Variants in DNM1 observed in about 807,000 individuals in gnomAD.
DNM1 encodes the protein dynamin 1, also known as dynamin-1.
Under a neutral mutation model 104.6 loss-of-function variants are expected in DNM1, and 29 were observed. The observed-to-expected ratio is 0.28, with a 90% confidence interval of 0.21 to 0.38. DNM1 has a LOEUF of 0.38. Among genes scored for constraint, DNM1 ranks in the 10% least tolerant of loss-of-function variants. The probability of loss-of-function intolerance (pLI) is 1.00; values close to 1 mark genes in which losing one functional copy is unlikely to be tolerated. For synonymous variants in DNM1, 445 were observed against 475.8 expected (o/e 0.94, Z 0.84); for missense variants, 640 against 1,189.4 (o/e 0.54, Z 6.79).
rs1829644744 is a variant in DNM1 at position 128,253,297 on chromosome 9, G to A, written c.2535-1357G>A. ...TCCTCTTTCTGTCCTTGTGCCGCTGGCTCTCTCACCTCCCTTCCCTGCGAG... is the reference window on the plus strand; with the variant it reads ...TCCTCTTTCTGTCCTTGTGCCGCTGACTCTCTCACCTCCCTTCCCTGCGAG... On this transcript the variant is annotated intron_variant, in intron 21 of 21. Coordinates refer to ENST00000372923, the MANE Select transcript of DNM1 (RefSeq NM_004408.4). The surrounding 1 kb of genome is among the most constrained non-coding windows in gnomAD (Gnocchi z 5.9). 1 of 683,416 alleles carries A rather than the reference G, an allele frequency of 1.5e-6. No individual in the cohort carries two copies. The highest frequency in any genetic ancestry group is 2.5e-6 in the Non-Finnish European group (1 of 397,450). 42.3% of individuals were successfully genotyped at this position (683,416 alleles called of 1,614,324 possible).
At position 128,239,723 on chromosome 9, in the gene DNM1, A is replaced by G. The variant is rs1836247500; in HGVS notation, c.1494-5A>G. Reference sequence around the variant, plus strand: ...TTCTGAGACTCCTCCCCTCCCTCCCATTAGTGCTCAGCAGAGGAGCAACCA... The same window carrying G: ...TTCTGAGACTCCTCCCCTCCCTCCCGTTAGTGCTCAGCAGAGGAGCAACCA... On this transcript the variant is annotated splice_region_variant and splice_polypyrimidine_tract_variant and intron_variant, in intron 12 of 21. Transcript: ENST00000372923. The G allele has an allele frequency of 1.2e-6, 2 of 1,612,930 alleles. No individual in the cohort carries two copies. The highest frequency in any genetic ancestry group is 2.7e-5 in the African/African-American group (2 of 74,818).
chr9:128,212,941 G>A (rs1221328464), intron 1 of DNM1, among the ~76,000 whole-genome samples: 1 of 152,190 alleles, frequency 6.6e-6, no homozygotes, highest in African/African-American at 2.4e-5. Flanking sequence ...CCCTGGCAGA[G>A]TCCCTGGCTG....
At chr9:128,241,157 G>A (rs1307532595) in intron 14 of DNM1, 2 of 152,316 alleles carry the variant, frequency 1.3e-5, no homozygotes, top group African/African-American at 2.4e-5. Flanking sequence ...GAGGGCTCCA[G>A]AAGCAAGCCT....
At chr9:128,244,378 C>A (rs1233085433) in intron 15 of DNM1, among the ~76,000 whole-genome samples, 1 of 151,946 alleles carries the variant, frequency 6.6e-6, no homozygotes, top group Admixed American at 6.6e-5. Flanking sequence ...TGAGTGGATT[C>A]TTGCACTAGG....
chr9:128,232,224 G>A, intron 10 of DNM1: 1 of 367,492 alleles, frequency 2.7e-6, no homozygotes, highest in Non-Finnish European at 5.4e-6. Context: ...GAGCACTTGG[G>A]ACCACCTCAG....
chr9:128,254,761 G>GA lies in DNM1; in HGVS notation c.*48dup. ...AGACCTCCCTTTCCAAGCCTGCCTG[G>GA]ACGGCTGTTCTGTGACTTGACAGTG... On this transcript the variant is annotated 3_prime_UTR_variant, in exon 22 of 22. Coordinates refer to ENST00000372923, the MANE Select transcript of DNM1 (RefSeq NM_004408.4). The surrounding 1 kb of genome is among the most constrained non-coding windows in gnomAD (Gnocchi z 6.1). 2 of 1,558,168 alleles carry GA rather than the reference G, an allele frequency of 1.3e-6. No homozygotes were observed. Among genetic ancestry groups the GA allele is most frequent in the South Asian group, 1.1e-5 (1 of 90,162 alleles).
intron 4 of DNM1, among the ~76,000 whole-genome samples, chr9:128,219,716 A>T (rs1191036232): frequency 7.9e-5 from 12 of 152,232 alleles, no homozygotes. Flanking sequence ...TAATCCCAGC[A>T]CTTTGGGAGG....
rs1829645247 is a variant in DNM1, at chr9:128,253,300, C to T, written c.2535-1354C>T. ...TCTTTCTGTCCTTGTGCCGCTGGCTCTCTCACCTCCCTTCCCTGCGAGCCT... is the reference window on the plus strand; with the variant it reads ...TCTTTCTGTCCTTGTGCCGCTGGCTTTCTCACCTCCCTTCCCTGCGAGCCT... On this transcript the variant is annotated intron_variant, in intron 21 of 21. Coordinates refer to ENST00000372923, the MANE Select transcript of DNM1 (RefSeq NM_004408.4). This position sits in a 1 kb window ranked among gnomAD's most constrained non-coding sequence, Gnocchi z 5.9. 1.8e-5 allele frequency: 12 copies of T among 667,962 alleles called. No individual in the cohort carries two copies. In the South Asian group the frequency reaches 2.1e-4, roughly 12 times the overall value. 41.4% of individuals were successfully genotyped at this position (667,962 alleles called of 1,614,324 possible). A position where few individuals can be genotyped will look rare whatever the true frequency, so the allele number is the denominator to read the frequency against.
At position 128,254,047 on chromosome 9, in the gene DNM1, G is replaced by A. The variant is rs1430571229; in HGVS notation, c.2535-607G>A. 2.1e-5 allele frequency: 26 copies of A among 1,235,604 alleles called. No individual in the cohort carries two copies. Among genetic ancestry groups the A allele is most frequent in the Middle Eastern group, 3.1e-4 (1 of 3,230 alleles). 76.5% of individuals were successfully genotyped at this position (1,235,604 alleles called of 1,614,324 possible). Reference sequence around the variant, plus strand: ...TCACCTACGAGACCTGCAGCCCCCCGACCAGCTGAGGCTCCCCTCTTAGAC... The same window carrying A: ...TCACCTACGAGACCTGCAGCCCCCCAACCAGCTGAGGCTCCCCTCTTAGAC... On this transcript the variant is annotated intron_variant, in intron 21 of 21. Coordinates refer to ENST00000372923, the MANE Select transcript of DNM1 (RefSeq NM_004408.4). This position sits in a 1 kb window ranked among gnomAD's most constrained non-coding sequence, Gnocchi z 6.1.
At chr9:128,216,589 C>T (rs568674242) in intron 1 of DNM1, among the ~76,000 whole-genome samples, 56 of 152,288 alleles carry the variant, frequency 3.7e-4, no homozygotes, top group African/African-American at 1.1e-3. Flanking sequence ...CAGGGCTTAC[C>T]ATCCTTCTCC....
At chr9:128,219,321 G>A in intron 4 of DNM1, 69 bp downstream of exon 4, 1 of 1,381,924 alleles carries the variant, frequency 7.2e-7, no homozygotes, top group Non-Finnish European at 1.0e-6. Context: ...TAGTGTAAAG[G>A]GGAGCCTCTG....
Position 128,240,254 on chromosome 9 carries a change from G to T in DNM1, c.1557+258G>T, listed in dbSNP as rs188307130. ...CTGGGTGGGTGAGAAGGCTGGGCCT[G>T]GCACGGAGTAGGTGCTCCTTAAACA... On this transcript the variant is annotated intron_variant, in intron 14 of 21. Coordinates refer to ENST00000372923, the MANE Select transcript of DNM1 (RefSeq NM_004408.4). The surrounding 1 kb of genome is among the most constrained non-coding windows in gnomAD (Gnocchi z 5.1). Among the ~76,000 whole-genome samples the T allele has an allele frequency of 6.6e-5, 10 of 152,286 alleles. No homozygotes were observed. Among genetic ancestry groups the T allele is most frequent in the African/African-American group, 2.2e-4 (9 of 41,556 alleles).
chr9:128,223,069 G>A (rs371512700), intron 9 of DNM1: 19 of 580,904 alleles, frequency 3.3e-5, no homozygotes, highest in African/African-American at 2.2e-4. Context: ...AACTTGCTGG[G>A]CCAACTGGGC....
At chr9:128,234,534 C>T (rs755595328) in intron 11 of DNM1, among the ~76,000 whole-genome samples, 6 of 152,042 alleles carry the variant, frequency 3.9e-5, no homozygotes, top group Non-Finnish European at 7.4e-5. Flanking sequence ...CCACCATGCC[C>T]GGGTAATTTT....
Position 128,220,742 on chromosome 9 carries a change from CGTGTGTGTGT to C in DNM1, c.849+418_849+427del, listed in dbSNP as rs140950284. On this transcript the variant is annotated intron_variant, in intron 6 of 21. Transcript: ENST00000372923. This position sits in a 1 kb window ranked among gnomAD's most constrained non-coding sequence, Gnocchi z 5.2. ...CAGAACTGAAGTGCGCGCGCGCGCG[CGTGTGTGTGT>C]GTGTGTGTGTGTGTGTCTGTCTGAC... 7.3e-6 allele frequency among the ~76,000 whole-genome samples: 1 copy of C among 136,278 alleles called. No individual in the cohort carries two copies. The highest frequency in any genetic ancestry group is 7.3e-5 in the Admixed American group (1 of 13,658). 89.4% of individuals were successfully genotyped at this position (136,278 alleles called of 152,430 possible).
intron 1 of DNM1, among the ~76,000 whole-genome samples, chr9:128,210,295 T>C (rs1356207651): frequency 6.6e-6 from 1 of 151,780 alleles, no homozygotes; most frequent in Non-Finnish European, 1.5e-5. Context: ...ACTCAAGTGA[T>C]CCTCCCACTT....
At chr9:128,217,040 T>C (rs1834649245) in intron 1 of DNM1, among the ~76,000 whole-genome samples, 1 of 152,152 alleles carries the variant, frequency 6.6e-6, no homozygotes, top group Admixed American at 6.5e-5. Flanking sequence ...AAGAGCTGAC[T>C]GGACAGAGAA....
At chr9:128,215,202 A>G (rs1235392230) in intron 1 of DNM1, among the ~76,000 whole-genome samples, 3 of 152,228 alleles carry the variant, frequency 2.0e-5, no homozygotes, top group Non-Finnish European at 2.9e-5. Context: ...AGGCCAAGGA[A>G]AGGCCAATGT....
Position 128,254,095 on chromosome 9 carries a change from A to G in DNM1, c.2535-559A>G. 7.9e-7 allele frequency: 1 copy of G among 1,258,666 alleles called. No homozygotes were observed. The highest frequency in any genetic ancestry group is 9.9e-7 in the Non-Finnish European group (1 of 1,006,562). 78.0% of individuals were successfully genotyped at this position (1,258,666 alleles called of 1,614,324 possible). On this transcript the variant is annotated intron_variant, in intron 21 of 21. Transcript: ENST00000372923. This position sits in a 1 kb window ranked among gnomAD's most constrained non-coding sequence, Gnocchi z 6.1. The stretch of plus-strand genomic sequence containing the variant: ...GACTTATAAGTCTATGGCCACTGGC[A>G]TCCGGCTGCCTGCCCTCCCTGCCTC...
Sources: allele counts gnomAD v4.1 joint callset (sites outside exome capture counted in the v4.1 genomes callset), GRCh38; gene constraint gnomAD v4.1.1; non-coding constraint Gnocchi (gnomAD v3.1); transcripts MANE v1.5; gene names NCBI Gene and HGNC (gene_info 2026-07-23, HGNC 2026-07-21).